Variants in EML4 observed in about 807,000 individuals in gnomAD.
The protein encoded by EML4 is echinoderm microtubule-associated protein-like 4.
In EML4, 72 loss-of-function variants were observed where a neutral mutation model predicts 129.0. The ratio of observed to expected loss-of-function variants is 0.56; its 90% CI spans 0.46 to 0.68. The LOEUF is 0.68. Ranked by LOEUF, EML4 falls within the 30% of genes least tolerant of loss-of-function variation. EML4 has a pLI of 0.00. For missense variants in EML4, 1,363 were observed against 1,190.6 expected (o/e 1.14, Z -2.13); for synonymous variants, 532 against 405.0 (o/e 1.31, Z -3.77).
intron 1 of EML4, among the ~76,000 whole-genome samples, chr2:42,229,876 AAGAT>A (rs1210174526): frequency 2.7e-5 from 4 of 150,412 alleles, no homozygotes; most frequent in Non-Finnish European, 5.9e-5. Context: ...GGAGGGCAGG[AAGAT>A]AGATAGCCTC....
intron 1 of EML4, among the ~76,000 whole-genome samples, chr2:42,181,313 A>G (rs557718429): frequency 1.3e-5 from 2 of 152,054 alleles, no homozygotes; most frequent in South Asian, 2.1e-4. Flanking sequence ...TTTATTTTGT[A>G]TTTGAGACAG....
In EML4 at chr2:42,255,274, AC is replaced by A. The variant is rs201350846; in HGVS notation, c.209-1226del. ...CTAATTTTTTGTATTTTTAGTAGAT[AC>A]AGGGTTTCAGCATGTTAGCCAGGAT... On this transcript the variant is annotated intron_variant, in intron 2 of 22. Coordinates refer to ENST00000318522, the MANE Select transcript of EML4 (RefSeq NM_019063.5). 8.0e-3 allele frequency among the ~76,000 whole-genome samples: 1,221 copies of A among 152,044 alleles called. 16 individuals carry two copies. Among genetic ancestry groups the A allele is most frequent in the African/African-American group, 0.028 (1,159 of 41,454 alleles).
intron 1 of EML4, among the ~76,000 whole-genome samples, chr2:42,198,489 G>A (rs1267061725): frequency 2.8e-4 from 42 of 152,282 alleles, no homozygotes; most frequent in Non-Finnish European, 7.4e-5. Context: ...AGGATTGCTT[G>A]AGACCAGGAG....
intron 1 of EML4, among the ~76,000 whole-genome samples, chr2:42,177,425 A>C (rs1474167015): frequency 5.9e-5 from 9 of 152,120 alleles, no homozygotes; most frequent in African/African-American, 2.2e-4. Context: ...GTTTGAGACC[A>C]GCCTGGGCAA....
In EML4 at chr2:42,330,631, T is replaced by C; in HGVS notation, c.*424T>C. The C allele has an allele frequency of 3.8e-6, 1 of 262,684 alleles. No homozygotes were observed. Among genetic ancestry groups the C allele is most frequent in the Non-Finnish European group, 7.5e-6 (1 of 133,728 alleles). 16.3% of individuals were successfully genotyped at this position (262,684 alleles called of 1,614,324 possible). ...TCAGACTGTACTACTTTTTTTTTTT[T>C]TTTTCCTGAAAAAGAAACCAGAAAA... is the stretch of plus-strand genomic sequence containing the variant. On this transcript the variant is annotated 3_prime_UTR_variant, in exon 23 of 23. Transcript: ENST00000318522.
At chr2:42,216,883 C>CTTAA (rs1267023530) in intron 1 of EML4, among the ~76,000 whole-genome samples, 1 of 152,048 alleles carries the variant, frequency 6.6e-6, no homozygotes, top group Non-Finnish European at 1.5e-5. Context: ...GACTCACACC[C>CTTAA]TTAAGTAAGA....
At chr2:42,281,115 C>T (rs1175782801) in intron 7 of EML4, 142 bp downstream of exon 7, 20 of 701,010 alleles carry the variant, frequency 2.9e-5, no homozygotes, top group Non-Finnish European at 3.8e-5. Flanking sequence ...AACATCAGGC[C>T]AGGCGCGGTG....
At chr2:42,254,400 G>A (rs951101596) in intron 2 of EML4, among the ~76,000 whole-genome samples, 9 of 151,398 alleles carry the variant, frequency 5.9e-5, no homozygotes, top group African/African-American at 2.2e-4. Context: ...CGTGGCAGCA[G>A]TGAGCCATGA....
intron 1 of EML4, among the ~76,000 whole-genome samples, chr2:42,233,709 C>G (rs775351146): frequency 2.3e-4 from 35 of 152,222 alleles, no homozygotes; most frequent in Non-Finnish European, 4.1e-4. Context: ...TATTCATTAA[C>G]TTAGCAAAAT....
At chr2:42,291,645 A>T (rs1477613212) in intron 11 of EML4, among the ~76,000 whole-genome samples, 4 of 151,972 alleles carry the variant, frequency 2.6e-5, no homozygotes, top group Non-Finnish European at 4.4e-5. Context: ...ATCTCAAGTG[A>T]TCCTCCCATC....
At chr2:42,224,032 T>A (rs1395090392) in intron 1 of EML4, among the ~76,000 whole-genome samples, 1 of 152,132 alleles carries the variant, frequency 6.6e-6, no homozygotes, top group Non-Finnish European at 1.5e-5. Flanking sequence ...AATGAGGGTT[T>A]TTTTGTTGTT....
intron 17 of EML4, among the ~76,000 whole-genome samples, chr2:42,310,323 C>T (rs1036348417): frequency 6.6e-6 from 1 of 151,262 alleles, no homozygotes; most frequent in Non-Finnish European, 1.5e-5. Context: ...CTTTCCCTTT[C>T]CCTTCCCCTT....
chr2:42,276,926 TATATC>T (rs1203097009), intron 6 of EML4, among the ~76,000 whole-genome samples: 13 of 152,244 alleles, frequency 8.5e-5, no homozygotes, highest in Non-Finnish European at 1.8e-4. Context: ...TTGCCATTTT[TATATC>T]ATATCAGAAA....
chr2:42,325,821 G>C (rs1227712892), intron 20 of EML4, among the ~76,000 whole-genome samples: 2 of 151,270 alleles, frequency 1.3e-5, no homozygotes, highest in Non-Finnish European at 2.9e-5. Flanking sequence ...GTGTAGAACA[G>C]AAGGCACATA....
At chr2:42,199,648 G>A (rs1672102306) in intron 1 of EML4, among the ~76,000 whole-genome samples, 1 of 152,136 alleles carries the variant, frequency 6.6e-6, no homozygotes, top group African/African-American at 2.4e-5. Flanking sequence ...TCAATTAGAG[G>A]CAAAAGGTAG....
At position 42,280,805 on chromosome 2, in the gene EML4, T is replaced by C. The variant is rs758277000; in HGVS notation, c.668-45T>C. 5 of 1,499,512 alleles carry C rather than the reference T, an allele frequency of 3.3e-6. No individual in the cohort carries two copies. The African/African-American group carries it at 5.6e-5, about 17-fold the overall frequency. 92.9% of individuals were successfully genotyped at this position (1,499,512 alleles called of 1,614,324 possible). ...TTAATAATCCACTTTTGTATGACTATACAGAAAATACGTATGACTTAACTT... is the reference window on the plus strand; with the variant it reads ...TTAATAATCCACTTTTGTATGACTACACAGAAAATACGTATGACTTAACTT... On this transcript the variant is annotated intron_variant, in intron 6 of 22. Coordinates refer to ENST00000318522, the MANE Select transcript of EML4 (RefSeq NM_019063.5).
At chr2:42,289,331 C>T (rs769976811) in intron 11 of EML4, 3 of 152,158 alleles carry the variant, frequency 2.0e-5, no homozygotes, top group Admixed American at 1.3e-4. Flanking sequence ...ATTTCTCGAT[C>T]TCCTTTCCAG....
At chr2:42,205,865 C>G (rs537834456) in intron 1 of EML4, among the ~76,000 whole-genome samples, 38 of 152,240 alleles carry the variant, frequency 2.5e-4, no homozygotes, top group African/African-American at 7.7e-4. Context: ...GTTTCCATTA[C>G]TCAGTCATTT....
At chr2:42,192,871 C>A (rs1671682666) in intron 1 of EML4, among the ~76,000 whole-genome samples, 1 of 152,080 alleles carries the variant, frequency 6.6e-6, no homozygotes, top group African/African-American at 2.4e-5. Flanking sequence ...ATTCTTGGTG[C>A]ATCTGCAGAA....
Sources: allele counts gnomAD v4.1 joint callset (sites outside exome capture counted in the v4.1 genomes callset), GRCh38; gene constraint gnomAD v4.1.1; transcripts MANE v1.5; gene names NCBI Gene and HGNC (gene_info 2026-07-23, HGNC 2026-07-21).